The following RHOU variants were observed in gnomAD, a reference collection of about 807,000 sequenced individuals.
RHOU encodes the protein ras homolog family member U.
A neutral mutation model predicts 12.6 loss-of-function variants in RHOU; 8 were observed. The observed-to-expected ratio is 0.64, with a 90% CI of 0.37 to 1.15. RHOU has a LOEUF of 1.15. Ranked by LOEUF, RHOU falls within the 50% of genes most tolerant of loss-of-function variation. RHOU has a pLI of 0.01. For synonymous variants in RHOU, 161 were observed against 147.4 expected (o/e 1.09, Z -0.67); for missense variants, 258 against 347.0 (o/e 0.74, Z 2.04).
At chr1:228,703,319 G>A in the RHOU span, among the ~76,000 whole-genome samples, 9 of 152,236 alleles carry the variant, frequency 5.9e-5, no homozygotes, top group African/African-American at 1.7e-4. Context: ...GAGGTCAGGA[G>A]ATCGAGACCA....
chr1:228,722,640 T>G, the RHOU span, among the ~76,000 whole-genome samples: 7 of 152,034 alleles, frequency 4.6e-5, no homozygotes, highest in East Asian at 1.4e-3. Context: ...TTTTTTTTTT[T>G]TGAGATGGAG....
At position 228,737,926 on chromosome 1, in the gene RHOU, T is replaced by C. The variant is rs752306786; in HGVS notation, c.321+195T>C. Among the ~76,000 whole-genome samples the C allele has an allele frequency of 3.3e-5, 5 of 152,022 alleles. No homozygotes were observed. Among genetic ancestry groups the C allele is most frequent in the Non-Finnish European group, 7.4e-5 (5 of 68,002 alleles). On this transcript the variant is annotated intron_variant, in intron 2 of 2. Transcript: ENST00000366691. The surrounding 1 kb of genome is among the most constrained non-coding windows in gnomAD (Gnocchi z 4.1). ...CCGGCAGGAAGCAGAGGAAGATACCTCCAAACTAATAAAGCAGGGTTTGGC... is the reference window on the plus strand; with the variant it reads ...CCGGCAGGAAGCAGAGGAAGATACCCCCAAACTAATAAAGCAGGGTTTGGC...
chr1:228,663,020 A>G, the RHOU span, among the ~76,000 whole-genome samples: 1 of 152,178 alleles, frequency 6.6e-6, no homozygotes, highest in Non-Finnish European at 1.5e-5. Flanking sequence ...TTCTGTGCCC[A>G]AATTGTCAGC....
chr1:228,650,121 C>T, the RHOU span: 11 of 436,192 alleles, frequency 2.5e-5, no homozygotes, highest in Non-Finnish European at 4.5e-5. Context: ...ATACAGATTT[C>T]TAATAACTTT....
At chr1:228,678,034 C>A in the RHOU span, among the ~76,000 whole-genome samples, 1 of 152,148 alleles carries the variant, frequency 6.6e-6, no homozygotes, top group African/African-American at 2.4e-5. Context: ...TGACTCGGGG[C>A]ATGTGAGTAA....
the RHOU span, among the ~76,000 whole-genome samples, chr1:228,722,915 C>T: frequency 6.6e-6 from 1 of 152,200 alleles, no homozygotes; most frequent in African/African-American, 2.4e-5. Flanking sequence ...GCCACCATTC[C>T]CGGCCCCGGC....
the RHOU span, among the ~76,000 whole-genome samples, chr1:228,694,520 A>C: frequency 6.6e-6 from 1 of 152,064 alleles, no homozygotes; most frequent in Non-Finnish European, 1.5e-5. Context: ...GTTCCCCCAC[A>C]GGAGTCCATG....
the RHOU span, chr1:228,650,586 C>A: frequency 2.2e-6 from 1 of 455,562 alleles, no homozygotes; most frequent in South Asian, 1.5e-5. Context: ...CCTGCCTGCC[C>A]TCCTGCTGGC....
Position 228,743,010 on chromosome 1 carries a change from G to T in RHOU, c.322-275G>T, listed in dbSNP as rs548205141. Among the ~76,000 whole-genome samples, 1 of 152,308 alleles carries T rather than the reference G, an allele frequency of 6.6e-6. No individual in the cohort carries two copies. The highest frequency in any genetic ancestry group is 2.4e-5 in the African/African-American group (1 of 41,578). Reference sequence around the variant, plus strand: ...TTGAGCACTTTTTCTATGTTAAGCTGTAAGTAGGTCTTGAGTGTCGATGAA... The same window carrying T: ...TTGAGCACTTTTTCTATGTTAAGCTTTAAGTAGGTCTTGAGTGTCGATGAA... On this transcript the variant is annotated intron_variant, in intron 2 of 2. Coordinates refer to ENST00000366691, the MANE Select transcript of RHOU (RefSeq NM_021205.6). The surrounding 1 kb of genome is among the most constrained non-coding windows in gnomAD (Gnocchi z 5.1).
At chr1:228,707,127 C>CACATACACATAT in the RHOU span, among the ~76,000 whole-genome samples, 7 of 76,810 alleles carry the variant, frequency 9.1e-5, no homozygotes, top group African/African-American at 4.4e-4. Context: ...TATATATATA[C>CACATACACATAT]ATATATATAT....
the RHOU span, among the ~76,000 whole-genome samples, chr1:228,722,071 A>G: frequency 1.3e-5 from 2 of 152,224 alleles, no homozygotes; most frequent in African/African-American, 4.8e-5. Context: ...GGGTGGCTAC[A>G]GTGCCATGTC....
At chr1:228,711,357 C>T in the RHOU span, among the ~76,000 whole-genome samples, 1 of 152,116 alleles carries the variant, frequency 6.6e-6, no homozygotes, top group African/African-American at 2.4e-5. Flanking sequence ...CCAAGTCAAT[C>T]CTAAGCCAAA....
chr1:228,667,184 T>G, the RHOU span, among the ~76,000 whole-genome samples: 3 of 152,220 alleles, frequency 2.0e-5, no homozygotes, highest in East Asian at 1.9e-4. Flanking sequence ...AGGAAGTGCT[T>G]CTTCTTTTCT....
the RHOU span, among the ~76,000 whole-genome samples, chr1:228,680,511 C>G: frequency 6.6e-6 from 1 of 152,166 alleles, no homozygotes; most frequent in Non-Finnish European, 1.5e-5. Flanking sequence ...ACAGCGGAGG[C>G]AAGTAGCTGT....
the RHOU span, among the ~76,000 whole-genome samples, chr1:228,646,856 G>T: frequency 6.6e-6 from 1 of 151,914 alleles, no homozygotes; most frequent in Admixed American, 6.6e-5. Flanking sequence ...GGAGAGCAAG[G>T]AGAAGATGGA....
chr1:228,727,056 T>C, the RHOU span, among the ~76,000 whole-genome samples: 52 of 152,270 alleles, frequency 3.4e-4, no homozygotes, highest in African/African-American at 1.2e-3. Flanking sequence ...GGTATCTTCT[T>C]TTTTACAAGA....
upstream of RHOU, chr1:228,735,303 C>G (rs1402062886): frequency 6.6e-6 from 1 of 152,196 alleles, no homozygotes; most frequent in Non-Finnish European, 1.5e-5. The surrounding 1 kb of genome is among the most constrained non-coding windows in gnomAD (Gnocchi z 8.1). Context: ...CAGTCCCCGC[C>G]TGGTCGCGGC....
the RHOU span, among the ~76,000 whole-genome samples, chr1:228,656,322 T>A: frequency 6.6e-6 from 1 of 152,220 alleles, no homozygotes; most frequent in African/African-American, 2.4e-5. Context: ...CCTGGCTAAT[T>A]TCATTTTCTT....
chr1:228,707,109 T>C, the RHOU span, among the ~76,000 whole-genome samples: 31 of 92,842 alleles, frequency 3.3e-4, 2 homozygotes, highest in African/African-American at 2.0e-3. Context: ...TACATACATA[T>C]ATATATATAT....
Sources: allele counts gnomAD v4.1 joint callset (sites outside exome capture counted in the v4.1 genomes callset), GRCh38; gene constraint gnomAD v4.1.1; non-coding constraint Gnocchi (gnomAD v3.1); transcripts MANE v1.5; gene names NCBI Gene and HGNC (gene_info 2026-07-23, HGNC 2026-07-21).